The following THSD7B variants were observed in gnomAD, a reference collection of about 807,000 sequenced individuals.
THSD7B encodes the protein thrombospondin type 1 domain containing 7B.
Under a neutral mutation model 213.6 loss-of-function variants are expected in THSD7B, and 138 were observed. The ratio of observed to expected loss-of-function variants is 0.65; its 90% CI spans 0.56 to 0.74. THSD7B has a LOEUF of 0.74. Ranked by LOEUF, THSD7B falls within the 30% of genes least tolerant of loss-of-function variation. THSD7B has a pLI of 0.00. For missense variants in THSD7B, 1,931 were observed against 1,991.5 expected, an observed-to-expected ratio of 0.97 and a Z score of 0.58; for synonymous variants, 742 against 687.0, an observed-to-expected ratio of 1.08 and a Z score of -1.25.
chr2:137,295,987 A>G (rs1243875093), intron 12 of THSD7B, among the ~76,000 whole-genome samples: 1 of 152,132 alleles, frequency 6.6e-6, no homozygotes, highest in Non-Finnish European at 1.5e-5. Flanking sequence ...GTTTTATGGT[A>G]GATATTTTAC....
At position 136,942,289 on chromosome 2, in the gene THSD7B, C is replaced by T. The variant is rs897764702; in HGVS notation, c.139+59972C>T. Among the ~76,000 whole-genome samples, 3 of 152,118 alleles carry T rather than the reference C, an allele frequency of 2.0e-5. No individual in the cohort carries two copies. The East Asian group carries it at 5.8e-4, about 29-fold the overall frequency. On this transcript the variant is annotated intron_variant, in intron 2 of 27. Transcript: ENST00000409968. ...TTGAAGTCAGGTAGCATGATGCCTC[C>T]AGCTTTGTTATTTTTGGTTGGGATT... is the stretch of plus-strand genomic sequence containing the variant.
rs140097274 is a variant in THSD7B at position 137,247,295 on chromosome 2, A to T, written c.2266+4723A>T. ...ATGCATAAATGAATGCAATGTGAAT[A>T]CAAAGTATTAATGGTTAATACAATG... is the stretch of plus-strand genomic sequence containing the variant. On this transcript the variant is annotated intron_variant, in intron 10 of 27. Transcript: ENST00000409968. Among the ~76,000 whole-genome samples, 523 of 152,334 alleles carry T rather than the reference A, an allele frequency of 3.4e-3. 2 individuals carry two copies. Among genetic ancestry groups the T allele is most frequent in the African/African-American group, 0.012 (504 of 41,576 alleles).
chr2:137,203,051 C>CAGGT (rs10644598), intron 7 of THSD7B, among the ~76,000 whole-genome samples: 1 of 151,254 alleles, frequency 6.6e-6, no homozygotes, highest in East Asian at 2.0e-4. Flanking sequence ...GATGGATAAA[C>CAGGT]AGTATTTTGT....
At chr2:137,234,805 A>T (rs187144692) in intron 9 of THSD7B, among the ~76,000 whole-genome samples, 2 of 151,842 alleles carry the variant, frequency 1.3e-5, no homozygotes, top group South Asian at 2.1e-4. Flanking sequence ...CAAGAAAAAC[A>T]TATTTAATCT....
At chr2:137,624,945 T>TA (rs1682594816) in intron 20 of THSD7B, among the ~76,000 whole-genome samples, 1 of 152,130 alleles carries the variant, frequency 6.6e-6, no homozygotes, top group Non-Finnish European at 1.5e-5. Flanking sequence ...GAACTAGAAA[T>TA]ACCATTTGAC....
intron 12 of THSD7B, among the ~76,000 whole-genome samples, chr2:137,365,413 C>T (rs1408128962): frequency 6.6e-6 from 1 of 152,176 alleles, no homozygotes; most frequent in Non-Finnish European, 1.5e-5. Flanking sequence ...AACTAAAGAG[C>T]TTCTGCACAG....
At chr2:137,356,947 T>TACAC (rs369031158) in intron 12 of THSD7B, among the ~76,000 whole-genome samples, 153 of 113,814 alleles carry the variant, frequency 1.3e-3, no homozygotes, top group Middle Eastern at 4.9e-3. Context: ...CACACACACA[T>TACAC]ACACACACAC....
intron 10 of THSD7B, among the ~76,000 whole-genome samples, chr2:137,246,586 C>A (rs753535761): frequency 6.6e-6 from 1 of 152,168 alleles, no homozygotes; most frequent in Non-Finnish European, 1.5e-5. Flanking sequence ...CATGGACAAT[C>A]TCAAGCCATG....
chr2:137,013,490 G>A (rs538947858), intron 2 of THSD7B, among the ~76,000 whole-genome samples: 183 of 152,210 alleles, frequency 1.2e-3, no homozygotes, highest in Non-Finnish European at 2.3e-3. Context: ...ACTGCACAGA[G>A]AGAGGAAGTT....
intron 12 of THSD7B, among the ~76,000 whole-genome samples, chr2:137,282,587 T>C (rs561251410): frequency 1.2e-3 from 185 of 152,272 alleles, no homozygotes; most frequent in Admixed American, 3.5e-3. Flanking sequence ...TTGTATAAGG[T>C]GTAAGGAAGG....
At chr2:137,215,077 C>T (rs996176635) in intron 7 of THSD7B, among the ~76,000 whole-genome samples, 1 of 152,190 alleles carries the variant, frequency 6.6e-6, no homozygotes. Flanking sequence ...TATTTCTCCA[C>T]ATCCTCTCCA....
chr2:137,639,542 TA>T (rs1457554812), intron 20 of THSD7B, among the ~76,000 whole-genome samples: 1 of 152,116 alleles, frequency 6.6e-6, no homozygotes, highest in East Asian at 1.9e-4. Flanking sequence ...GCCATTGTTC[TA>T]CATCCTCGTG....
intron 2 of THSD7B, among the ~76,000 whole-genome samples, chr2:136,975,337 A>C (rs950085719): frequency 1.3e-5 from 2 of 151,966 alleles, no homozygotes; most frequent in African/African-American, 4.8e-5. Flanking sequence ...TGGGCTTTAC[A>C]TTTAAGTCTT....
At chr2:137,510,040 T>C (rs1679927481) in intron 15 of THSD7B, among the ~76,000 whole-genome samples, 1 of 152,176 alleles carries the variant, frequency 6.6e-6, no homozygotes, top group Non-Finnish European at 1.5e-5. Context: ...CTCTTGTTAA[T>C]ATTAAATAAT....
intron 12 of THSD7B, among the ~76,000 whole-genome samples, chr2:137,382,787 C>A (rs181701141): frequency 6.6e-6 from 1 of 152,268 alleles, no homozygotes; most frequent in African/African-American, 2.4e-5. Flanking sequence ...TCCTAATGCA[C>A]AATAAGGCCA....
At chr2:137,071,658 C>G (rs1015571316) in intron 3 of THSD7B, among the ~76,000 whole-genome samples, 1 of 152,062 alleles carries the variant, frequency 6.6e-6, no homozygotes, top group African/African-American at 2.4e-5. Flanking sequence ...ATGGTATTGC[C>G]TAGGTTTTAG....
chr2:137,567,594 A>G (rs1183193409), intron 16 of THSD7B, among the ~76,000 whole-genome samples: 1 of 152,158 alleles, frequency 6.6e-6, no homozygotes, highest in Non-Finnish European at 1.5e-5. Flanking sequence ...TGCAAAAGTC[A>G]AATTTGGAAT....
chr2:137,160,778 C>A (rs1680004887), intron 6 of THSD7B, among the ~76,000 whole-genome samples: 1 of 152,166 alleles, frequency 6.6e-6, no homozygotes, highest in African/African-American at 2.4e-5. Flanking sequence ...TGCTTGCAAC[C>A]AAGCCCTGCT....
At chr2:137,362,262 C>T (rs187044395) in intron 12 of THSD7B, among the ~76,000 whole-genome samples, 2 of 152,254 alleles carry the variant, frequency 1.3e-5, no homozygotes, top group East Asian at 1.9e-4. Context: ...ACAACCAGTA[C>T]CAGCCACTGC....
Sources: gnomAD v4.1 joint callset for allele counts (sites outside exome capture counted in the v4.1 genomes callset) on GRCh38, gnomAD v4.1.1 for gene constraint, MANE v1.5 for transcripts, NCBI Gene and HGNC (gene_info 2026-07-23, HGNC 2026-07-21) for gene names.